RPH3AL: variants seen among roughly 807,000 people sequenced by gnomAD.
RPH3AL encodes rab effector Noc2.
Under a neutral mutation model 43.1 loss-of-function variants are expected in RPH3AL, and 38 were observed. The ratio of observed to expected loss-of-function variants is 0.88; its 90% CI spans 0.68 to 1.15. RPH3AL has a LOEUF of 1.15. RPH3AL is among the 50% of genes most tolerant of loss of function. The pLI, the probability that RPH3AL is intolerant of heterozygous loss-of-function variation, is 0.00. For missense variants in RPH3AL, 462 were observed against 423.2 expected, an observed-to-expected ratio of 1.09 and a Z score of -0.81; for synonymous variants, 189 against 176.3, an observed-to-expected ratio of 1.07 and a Z score of -0.57.
chr17:246,114 A>C lies in RPH3AL; in HGVS notation c.613+997T>G, dbSNP rs985037216. On this transcript the variant is annotated intron_variant, in intron 7 of 9. Transcript: ENST00000331302. The surrounding 1 kb of genome is among the most constrained non-coding windows in gnomAD (Gnocchi z 4.8). The stretch of plus-strand genomic sequence containing the variant: ...TTTCACATGTTCGTAATAAACATGC[A>C]TTACTTTTGTAACAAGAAAAAACAG... 2.0e-5 allele frequency among the ~76,000 whole-genome samples: 3 copies of C among 152,180 alleles called. No individual in the cohort carries two copies. Among genetic ancestry groups the C allele is most frequent in the Non-Finnish European group, 4.4e-5 (3 of 68,036 alleles).
intron 6 of RPH3AL, among the ~76,000 whole-genome samples, chr17:270,473 C>T (rs550200276): frequency 6.6e-6 from 1 of 152,290 alleles, no homozygotes; most frequent in South Asian, 2.1e-4. Flanking sequence ...GCCTGTGAGG[C>T]CCAGACTGAG....
chr17:329,248 G>T (rs912433581), intron 2 of RPH3AL, among the ~76,000 whole-genome samples: 1 of 152,184 alleles, frequency 6.6e-6, no homozygotes, highest in African/African-American at 2.4e-5. Flanking sequence ...CAAGGCAGGA[G>T]GATTGCTTGA....
chr17:258,808 T>C (rs2042132730), intron 6 of RPH3AL, among the ~76,000 whole-genome samples: 1 of 146,948 alleles, frequency 6.8e-6, no homozygotes, highest in Non-Finnish European at 1.5e-5. Context: ...TTGCCCAGGC[T>C]GGAGTGCAAT....
chr17:277,031 TAACTC>T (rs1023997064), intron 6 of RPH3AL, among the ~76,000 whole-genome samples: 3 of 152,166 alleles, frequency 2.0e-5, no homozygotes, highest in African/African-American at 7.2e-5. Flanking sequence ...AAAAATAAAA[TAACTC>T]AAGAGTCTAC....
rs1363962431 is a variant in RPH3AL at position 346,381 on chromosome 17, A to C, written c.-213+6331T>G. On this transcript the variant is annotated intron_variant, in intron 1 of 9. Coordinates refer to ENST00000331302, the MANE Select transcript of RPH3AL (RefSeq NM_006987.4). ...CAAAAGAAAGAGGTTTAATGGACTT[A>C]CAGTTCCACGTGGCTGGGGAAGCCT... Among the ~76,000 whole-genome samples the C allele has an allele frequency of 1.5e-5, 2 of 135,520 alleles. 1 individual carries two copies. Among genetic ancestry groups the C allele is most frequent in the African/African-American group, 5.1e-5 (2 of 39,356 alleles). The allele number at this position is 135,520 out of a possible 152,430, so 88.9% of individuals were successfully genotyped here.
At chr17:327,031 C>T (rs527880747) in intron 3 of RPH3AL, among the ~76,000 whole-genome samples, 42 of 152,330 alleles carry the variant, frequency 2.8e-4, no homozygotes, top group African/African-American at 9.4e-4. Flanking sequence ...CTGACAGTGC[C>T]AAGCACTGGG....
At chr17:315,728 GACCC>G (rs2044061634) in intron 5 of RPH3AL, among the ~76,000 whole-genome samples, 13 of 147,172 alleles carry the variant, frequency 8.8e-5, no homozygotes, top group South Asian at 2.2e-4. Flanking sequence ...CACCTCTATT[GACCC>G]GTAGTCTCTG....
intron 7 of RPH3AL, among the ~76,000 whole-genome samples, chr17:227,020 C>T (rs537055221): frequency 2.6e-5 from 4 of 152,348 alleles, no homozygotes; most frequent in African/African-American, 7.2e-5. Context: ...AACAGCCTTT[C>T]GGAGGAAGAA....
Position 319,534 on chromosome 17 carries a change from C to T in RPH3AL, c.237G>A (p.Arg79=). 1 of 1,611,534 alleles carries T rather than the reference C, an allele frequency of 6.2e-7. No homozygotes were observed. Reference sequence around the variant, plus strand: ...TCACATTCCGCCTCATGGTCTCCAGCCGCTCCACCAGCCGCCTGCAGCACA... The same window carrying T: ...TCACATTCCGCCTCATGGTCTCCAGTCGCTCCACCAGCCGCCTGCAGCACA... The part of the protein sequence containing the change: ...EQQRIGRLVE[R]LETMRRNVMG... Residue 79 remains arginine (R), a synonymous_variant, in exon 5 of 10, where the codon CGG becomes CGA. Transcript: ENST00000331302.
In RPH3AL at chr17:242,727, CTACCTTCCTCTATTGAT is replaced by C. The variant is rs1567576833; in HGVS notation, c.613+4367_613+4383del. On this transcript the variant is annotated intron_variant, in intron 7 of 9. Transcript: ENST00000331302. The stretch of plus-strand genomic sequence containing the variant: ...TCTATTGATTACCTTCCTCTATTGA[CTACCTTCCTCTATTGAT>C]TACCTTCCTCTATTGATTACCTTCC... Among the ~76,000 whole-genome samples the C allele has an allele frequency of 1.5e-3, 52 of 34,618 alleles. 3 individuals carry two copies. Among genetic ancestry groups the C allele is most frequent in the African/African-American group, 4.8e-3 (39 of 8,044 alleles). 22.7% of individuals were successfully genotyped at this position (34,618 alleles called of 152,430 possible).
chr17:244,664 C>T (rs1555538979), intron 7 of RPH3AL, among the ~76,000 whole-genome samples: 2 of 152,010 alleles, frequency 1.3e-5, no homozygotes, highest in East Asian at 1.9e-4. Context: ...TGGGACTTTC[C>T]AGCAGACCCC....
intron 5 of RPH3AL, among the ~76,000 whole-genome samples, chr17:318,734 T>C (rs985808122): frequency 3.3e-5 from 5 of 152,168 alleles, no homozygotes; most frequent in African/African-American, 9.7e-5. Flanking sequence ...ATTTAAAAAG[T>C]CCTAGACTCA....
Position 286,897 on chromosome 17 carries a change from TTCAGACCTCGCACCCTCTCTCTCCACCG to T in RPH3AL, c.352-5071_352-5044del, listed in dbSNP as rs1397202902. Among the ~76,000 whole-genome samples the T allele has an allele frequency of 5.6e-3, 752 of 134,172 alleles. 30 individuals are homozygous for T. Among genetic ancestry groups the T allele is most frequent in the Non-Finnish European group, 6.6e-3 (406 of 61,764 alleles). The allele number at this position is 134,172 out of a possible 152,430, so 88.0% of individuals were successfully genotyped here. A position where few individuals can be genotyped will look rare whatever the true frequency, so the allele number is the denominator to read the frequency against. ...GGCAGAAGCCACACAACTCCAGGCT[TTCAGACCTCGCACCCTCTCTCTCCACCG>T]TCAGACCTCGCACCCTCTCTCTCCA... is the stretch of plus-strand genomic sequence containing the variant. On this transcript the variant is annotated intron_variant, in intron 5 of 9. Transcript: ENST00000331302.
intron 5 of RPH3AL, among the ~76,000 whole-genome samples, chr17:309,024 G>A (rs1013227951): frequency 1.3e-5 from 2 of 152,240 alleles, no homozygotes; most frequent in Non-Finnish European, 2.9e-5. Context: ...GAGGCTGGCT[G>A]TGGTGGCTCA....
At chr17:270,148 C>A (rs2042428018) in intron 6 of RPH3AL, among the ~76,000 whole-genome samples, 1 of 152,164 alleles carries the variant, frequency 6.6e-6, no homozygotes, top group Non-Finnish European at 1.5e-5. Flanking sequence ...GTGAGGCAGG[C>A]ACAGACGGTG....
intron 5 of RPH3AL, among the ~76,000 whole-genome samples, chr17:310,300 C>A (rs535718712): frequency 1.3e-5 from 2 of 152,142 alleles, no homozygotes; most frequent in Non-Finnish European, 2.9e-5. Flanking sequence ...ACGGAGGGGA[C>A]GCAGCTCCGA....
At chr17:262,408 G>A (rs1215118048) in intron 6 of RPH3AL, among the ~76,000 whole-genome samples, 1 of 152,148 alleles carries the variant, frequency 6.6e-6, no homozygotes, top group Non-Finnish European at 1.5e-5. Context: ...TAGAGACGGG[G>A]TTTCACCATG....
intron 5 of RPH3AL, among the ~76,000 whole-genome samples, chr17:297,488 G>A (rs1219011241): frequency 6.6e-6 from 1 of 152,194 alleles, no homozygotes; most frequent in Non-Finnish European, 1.5e-5. Context: ...GGGATCTGAT[G>A]CTACCTCCGG....
At position 215,131 on chromosome 17, in the gene RPH3AL, T is replaced by G. The variant is rs2040765545; in HGVS notation, c.876+523A>C. On this transcript the variant is annotated intron_variant, in intron 9 of 9. Coordinates refer to ENST00000331302, the MANE Select transcript of RPH3AL (RefSeq NM_006987.4). The surrounding 1 kb of genome is among the most constrained non-coding windows in gnomAD (Gnocchi z 4.1). ...GGAGGGGCCCAACCTGCCCAGGGCT[T>G]CTTTCTTGAAGGAGACAGGGCTGAT... Among the ~76,000 whole-genome samples the G allele has an allele frequency of 6.6e-6, 1 of 152,208 alleles. No homozygotes were observed. Among genetic ancestry groups the G allele is most frequent in the Admixed American group, 6.5e-5 (1 of 15,288 alleles).
Sources: gnomAD v4.1 joint callset for allele counts (sites outside exome capture counted in the v4.1 genomes callset) on GRCh38, gnomAD v4.1.1 for gene constraint, Gnocchi (gnomAD v3.1) non-coding constraint, MANE v1.5 for transcripts, NCBI Gene and HGNC (gene_info 2026-07-23, HGNC 2026-07-21) for gene names.